The following NELFB variants were observed in gnomAD, a reference collection of about 807,000 sequenced individuals.
The protein encoded by NELFB is negative elongation factor complex member B, also known as negative elongation factor B.
NELFB carries 34 observed loss-of-function variants against 60.2 expected under a neutral mutation model. The ratio of observed to expected loss-of-function variants is 0.56; its 90% CI spans 0.43 to 0.75. The LOEUF (loss-of-function observed/expected upper bound fraction) is 0.75, where lower values mean the gene tolerates loss of function less well. Ranked by LOEUF, NELFB falls within the 30% of genes least tolerant of loss-of-function variation. NELFB has a pLI of 0.00. For missense variants in NELFB, 770 were observed against 831.6 expected (o/e 0.93, Z 0.91); for synonymous variants, 459 against 382.1 (o/e 1.20, Z -2.35).
At position 137,255,395 on chromosome 9, in the gene NELFB, G is replaced by C. The variant is rs989674073; in HGVS notation, c.30G>C (p.Arg10=). ...CCGAGCTGGAGGGCGCCGGGGAGCGGGGCTCGGGCGGTCCCCGAGGCCCGG... is the reference window on the plus strand; with the variant it reads ...CCGAGCTGGAGGGCGCCGGGGAGCGCGGCTCGGGCGGTCCCCGAGGCCCGG... Residue 10 remains arginine (R), a synonymous_variant, in exon 1 of 13, where the codon CGG becomes CGC. Coordinates refer to ENST00000343053, the MANE Select transcript of NELFB (RefSeq NM_015456.5). The C allele has an allele frequency of 7.3e-6, 6 of 819,596 alleles. No homozygotes were observed. In the African/African-American group the frequency reaches 9.1e-5, roughly 12 times the overall value. The allele number at this position is 819,596 out of a possible 1,614,324, so 50.8% of individuals were successfully genotyped here.
At position 137,273,251 on chromosome 9, in the gene NELFB, G is replaced by A. The variant is rs1830607873; in HGVS notation, c.*323G>A. 5 of 286,080 alleles carry A rather than the reference G, an allele frequency of 1.7e-5. No homozygotes were observed. The highest frequency in any genetic ancestry group is 6.6e-5 in the African/African-American group (3 of 45,438). 17.7% of individuals were successfully genotyped at this position (286,080 alleles called of 1,614,324 possible). On this transcript the variant is annotated 3_prime_UTR_variant, in exon 13 of 13. Transcript: ENST00000343053. ...GAGGGCGGGGCCTGAGGGTGGGGGC[G>A]GGGCCTCTTCATTGGCCCAGCTTGG...
rs1214871337 is a variant in NELFB, at chr9:137,267,279, G to C, written c.1422G>C (p.Leu474=). ...AGCGCATGGCCTGCGAGGTGGGGCT[G>C]TACTACGTCCTGCACATCACCAAGC... Residue 474 remains leucine, a synonymous_variant, in exon 10 of 13, where the codon CTG becomes CTC. Transcript: ENST00000343053. The C allele has an allele frequency of 6.2e-7, 1 of 1,613,586 alleles. No homozygotes were observed. Among genetic ancestry groups the C allele is most frequent in the Admixed American group, 1.7e-5 (1 of 60,020 alleles).
intron 6 of NELFB, among the ~76,000 whole-genome samples, chr9:137,265,386 G>GTTTTTT (rs1564444248): frequency 2.0e-5 from 1 of 50,992 alleles, no homozygotes; most frequent in Non-Finnish European, 4.6e-5. Context: ...CAAACCTTAA[G>GTTTTTT]CTTTTTTTTT....
At chr9:137,270,180 C>T (rs1050827701) in intron 10 of NELFB, among the ~76,000 whole-genome samples, 3 of 149,774 alleles carry the variant, frequency 2.0e-5, no homozygotes, top group Non-Finnish European at 2.9e-5. Flanking sequence ...AAGAAGGATG[C>T]GTTTACAGGA....
rs1367447003 is a variant in NELFB, at chr9:137,269,064, G to T, written c.1489+1718G>T. Among the ~76,000 whole-genome samples the T allele has an allele frequency of 6.6e-6, 1 of 151,916 alleles. No homozygotes were observed. The highest frequency in any genetic ancestry group is 1.5e-5 in the Non-Finnish European group (1 of 67,998). The stretch of plus-strand genomic sequence containing the variant: ...TTGCGTTGGGGATCAGGTTTCCGAT[G>T]GTGAACTTGGGGACACGTCCACACC... On this transcript the variant is annotated intron_variant, in intron 10 of 12. Coordinates refer to ENST00000343053, the MANE Select transcript of NELFB (RefSeq NM_015456.5). The surrounding 1 kb of genome is among the most constrained non-coding windows in gnomAD (Gnocchi z 5.3).
intron 3 of NELFB, 85 bp from the exon 4 acceptor site, chr9:137,256,739 C>T (rs1338526707): frequency 2.3e-6 from 3 of 1,318,820 alleles, no homozygotes; most frequent in East Asian, 4.9e-5. Context: ...GAGGTGGTCT[C>T]TGCGGGGCTG....
At chr9:137,255,874 G>A (rs1837542565) in intron 1 of NELFB, 33 bp from the exon 2 acceptor site, 2 of 1,608,076 alleles carry the variant, frequency 1.2e-6, no homozygotes, top group South Asian at 1.1e-5. Context: ...GGGCGCACTG[G>A]GCTGCGTTTG....
intron 10 of NELFB, among the ~76,000 whole-genome samples, chr9:137,270,641 G>T (rs955658183): frequency 1.3e-5 from 2 of 150,706 alleles, no homozygotes; most frequent in Non-Finnish European, 2.9e-5. Flanking sequence ...TAAAAAACTG[G>T]CCAGGCATGG....
intron 4 of NELFB, among the ~76,000 whole-genome samples, chr9:137,260,460 T>G (rs1157389054): frequency 2.9e-4 from 5 of 17,356 alleles, no homozygotes; most frequent in African/African-American, 5.5e-4. Context: ...TTGTTTTATT[T>G]TTTTTTTTTT....
intron 4 of NELFB, 49 bp from the exon 5 acceptor site, chr9:137,262,988 T>A: frequency 6.3e-7 from 1 of 1,585,284 alleles, no homozygotes; most frequent in Non-Finnish European, 8.6e-7. Flanking sequence ...TCCCTGTGTC[T>A]GGCGGAGCCC....
intron 5 of NELFB, among the ~76,000 whole-genome samples, chr9:137,263,960 C>T (rs887704577): frequency 6.6e-6 from 1 of 152,224 alleles, no homozygotes; most frequent in African/African-American, 2.4e-5. Flanking sequence ...TCCGAGGCTT[C>T]CATTGCTTGG....
At chr9:137,267,776 G>A (rs1588189508) in intron 10 of NELFB, among the ~76,000 whole-genome samples, 1 of 152,186 alleles carries the variant, frequency 6.6e-6, no homozygotes, top group African/African-American at 2.4e-5. Context: ...ACAGGTGTGA[G>A]CCACCACTCC....
At chr9:137,266,098 C>A in intron 7 of NELFB, 119 bp downstream of exon 7, 1 of 854,280 alleles carries the variant, frequency 1.2e-6, no homozygotes, top group Non-Finnish European at 1.9e-6. Flanking sequence ...GCCCTGTGGC[C>A]GCCCTGCTGG....
chr9:137,259,711 AT>A (rs1310319118), intron 4 of NELFB, among the ~76,000 whole-genome samples: 6 of 149,298 alleles, frequency 4.0e-5, no homozygotes, highest in African/African-American at 1.5e-4. Flanking sequence ...TTTATTTTTT[AT>A]TTTTTTATTA....
chr9:137,264,971 C>T (rs956611408), intron 6 of NELFB, among the ~76,000 whole-genome samples: 9 of 151,856 alleles, frequency 5.9e-5, no homozygotes, highest in Admixed American at 3.3e-4. Flanking sequence ...TTTCCAGCAT[C>T]CTCTGGCTGG....
At position 137,266,357 on chromosome 9, in the gene NELFB, C is replaced by T. The variant is rs776880326; in HGVS notation, c.1170C>T (p.Leu390=). Reference sequence around the variant, plus strand: ...ACAGCCCCGACCTCCTGCTGCTGCTCCGGCTGCTGGCGCTGGGCCAGGGAG... The same window carrying T: ...ACAGCCCCGACCTCCTGCTGCTGCTTCGGCTGCTGGCGCTGGGCCAGGGAG... The change falls in exon 8 of 13, where the codon CTC becomes CTT. Residue 390 remains leucine, a synonymous_variant. Coordinates refer to ENST00000343053, the MANE Select transcript of NELFB (RefSeq NM_015456.5). 5 of 1,612,860 alleles carry T rather than the reference C, an allele frequency of 3.1e-6. No homozygotes were observed. In the South Asian group the frequency reaches 3.3e-5, roughly 11 times the overall value.
In NELFB at chr9:137,269,130, T is replaced by C. The variant is rs975751188; in HGVS notation, c.1489+1784T>C. 6.6e-6 allele frequency among the ~76,000 whole-genome samples: 1 copy of C among 150,760 alleles called. No individual in the cohort carries two copies. The highest frequency in any genetic ancestry group is 1.5e-5 in the Non-Finnish European group (1 of 67,544). ...TGTGTTTCTCGGTGGCTGGTGTGTTTGAGGATGGCGCGTGCATGCGTTTTC... is the reference window on the plus strand; with the variant it reads ...TGTGTTTCTCGGTGGCTGGTGTGTTCGAGGATGGCGCGTGCATGCGTTTTC... On this transcript the variant is annotated intron_variant, in intron 10 of 12. Transcript: ENST00000343053. The surrounding 1 kb of genome is among the most constrained non-coding windows in gnomAD (Gnocchi z 5.3).
Position 137,262,155 on chromosome 9 carries a change from A to G in NELFB, c.742-882A>G, listed in dbSNP as rs939281479. On this transcript the variant is annotated intron_variant, in intron 4 of 12. Coordinates refer to ENST00000343053, the MANE Select transcript of NELFB (RefSeq NM_015456.5). ...CACTGAAGCACAGCATCACAGGGAG[A>G]CGGTTAGGCCTCTGGATAACTGCGG... 2.6e-5 allele frequency among the ~76,000 whole-genome samples: 4 copies of G among 152,106 alleles called. No individual in the cohort carries two copies. In the South Asian group the frequency reaches 8.3e-4, roughly 32 times the overall value.
At chr9:137,266,732 C>T (rs538736365) in intron 8 of NELFB, among the ~76,000 whole-genome samples, 68 of 152,116 alleles carry the variant, frequency 4.5e-4, no homozygotes, top group Admixed American at 7.9e-4. Context: ...GGTGACTACT[C>T]CATGTGGGTC....
Sources: allele counts gnomAD v4.1 joint callset (sites outside exome capture counted in the v4.1 genomes callset), GRCh38; gene constraint gnomAD v4.1.1; non-coding constraint Gnocchi (gnomAD v3.1); transcripts MANE v1.5; gene names NCBI Gene and HGNC (gene_info 2026-07-23, HGNC 2026-07-21).